Variants in TNRC6B observed in about 807,000 individuals in gnomAD.
TNRC6B encodes the protein trinucleotide repeat-containing gene 6B protein.
In TNRC6B, 52 loss-of-function variants were observed where a neutral mutation model predicts 203.6. The ratio of observed to expected loss-of-function variants is 0.26; its 90% confidence interval spans 0.20 to 0.32. The LOEUF (loss-of-function observed/expected upper bound fraction) is 0.32. TNRC6B is among the 10% of genes least tolerant of loss of function. The pLI is 1.00. For missense variants in TNRC6B, 1,923 were observed against 2,286.2 expected (o/e 0.84, Z 3.24); for synonymous variants, 838 against 845.7 (o/e 0.99, Z 0.16).
chr22:40,293,923 G>A (rs2070902617), intron 12 of TNRC6B, among the ~76,000 whole-genome samples: 1 of 150,324 alleles, frequency 6.7e-6, no homozygotes, highest in African/African-American at 2.5e-5. Context: ...ATCTCTTTAT[G>A]ACCAAAGTGT....
chr22:40,274,422 CTTT>C (rs374621260), intron 7 of TNRC6B, among the ~76,000 whole-genome samples: 6 of 140,656 alleles, frequency 4.3e-5, no homozygotes, highest in Non-Finnish European at 1.6e-5. Flanking sequence ...AATGATATCT[CTTT>C]TTTTTTTTTT....
intron 1 of TNRC6B, among the ~76,000 whole-genome samples, chr22:40,077,840 G>T (rs927699977): frequency 1.3e-5 from 2 of 152,136 alleles, no homozygotes; most frequent in African/African-American, 4.8e-5. Flanking sequence ...ATTGAGATCA[G>T]CTCTGCTCAC....
intron 1 of TNRC6B, among the ~76,000 whole-genome samples, chr22:40,098,543 T>G (rs2068205519): frequency 6.6e-6 from 1 of 152,186 alleles, no homozygotes; most frequent in Non-Finnish European, 1.5e-5. Context: ...ATTATCAGAC[T>G]TTTTAATCAA....
chr22:40,228,149 C>T (rs1222246101), intron 1 of TNRC6B, among the ~76,000 whole-genome samples: 2 of 152,058 alleles, frequency 1.3e-5, no homozygotes, highest in Non-Finnish European at 2.9e-5. Context: ...GTATGTGAGC[C>T]AGGAGTGGTG....
chr22:40,080,962 T>C (rs992776059), intron 1 of TNRC6B, among the ~76,000 whole-genome samples: 4 of 152,084 alleles, frequency 2.6e-5, no homozygotes, highest in Non-Finnish European at 4.4e-5. Flanking sequence ...GTTCAAGCGT[T>C]TCTCCTGCCT....
rs985939681 is a variant in TNRC6B, at chr22:40,330,347, G to C, written c.*7106G>C. ...CGGAATCTGGCGTTCCTTCCCCTTC[G>C]GCTACTGAAAGGTGTGTACAACTCC... On this transcript the variant is annotated 3_prime_UTR_variant, in exon 23 of 23. Coordinates refer to ENST00000454349, the MANE Select transcript of TNRC6B (RefSeq NM_001162501.2). The C allele has an allele frequency of 1.3e-5, 2 of 152,096 alleles. No individual in the cohort carries two copies. Among genetic ancestry groups the C allele is most frequent in the Non-Finnish European group, 2.9e-5 (2 of 68,026 alleles). 9.4% of individuals were successfully genotyped at this position (152,096 alleles called of 1,614,324 possible). A position where few individuals can be genotyped will look rare whatever the true frequency, so the allele number is the denominator to read the frequency against.
intron 1 of TNRC6B, among the ~76,000 whole-genome samples, chr22:40,197,653 A>G (rs2069359094): frequency 6.9e-6 from 1 of 144,026 alleles, no homozygotes; most frequent in Non-Finnish European, 1.5e-5. Context: ...CCCAGGTTGG[A>G]GTGCAGTGGT....
intron 1 of TNRC6B, among the ~76,000 whole-genome samples, chr22:40,056,546 C>A (rs540733222): frequency 6.6e-6 from 1 of 152,216 alleles, no homozygotes; most frequent in East Asian, 1.9e-4. Flanking sequence ...GTAATCCCAG[C>A]ACTTTGGGAA....
chr22:40,089,710 C>CT (rs954430032), intron 1 of TNRC6B, among the ~76,000 whole-genome samples: 1 of 152,080 alleles, frequency 6.6e-6, no homozygotes, highest in African/African-American at 2.4e-5. Context: ...CATTATTACT[C>CT]AAAGTTCATT....
upstream of TNRC6B, among the ~76,000 whole-genome samples, chr22:40,177,756 G>A (rs28453337): frequency 2.1e-4 from 32 of 152,334 alleles, no homozygotes; most frequent in East Asian, 6.0e-3. Flanking sequence ...AGTGTCTGTA[G>A]GCGGAGAGTA....
chr22:40,060,090 A>G (rs2067836406), intron 1 of TNRC6B, among the ~76,000 whole-genome samples: 1 of 150,636 alleles, frequency 6.6e-6, no homozygotes, highest in South Asian at 2.1e-4. Flanking sequence ...CGACCTCCCA[A>G]AAGTGCTGGG....
chr22:40,079,647 C>T lies in TNRC6B; in HGVS notation c.-121+34649C>T, dbSNP rs553946590. Among the ~76,000 whole-genome samples, 11 of 151,868 alleles carry T rather than the reference C, an allele frequency of 7.2e-5. No individual in the cohort carries two copies. In the South Asian group the frequency reaches 2.3e-3, roughly 31 times the overall value. Reference sequence around the variant, plus strand: ...TGGGTTATTTTTTTTGAGACAGGGTCTTGCTCTGTCATCCAGGCTAGAGTA... The same window carrying T: ...TGGGTTATTTTTTTTGAGACAGGGTTTTGCTCTGTCATCCAGGCTAGAGTA... On this transcript the variant is annotated intron_variant, in intron 1 of 23. Transcript: ENST00000301923.
intron 1 of TNRC6B, among the ~76,000 whole-genome samples, chr22:40,213,945 C>A (rs536408665): frequency 6.6e-6 from 1 of 151,906 alleles, no homozygotes; most frequent in South Asian, 2.1e-4. Flanking sequence ...AGACAGGTAC[C>A]GAGGAGAAAG....
chr22:40,207,108 T>C (rs2069488833), intron 1 of TNRC6B, among the ~76,000 whole-genome samples: 1 of 152,104 alleles, frequency 6.6e-6, no homozygotes, highest in Non-Finnish European at 1.5e-5. Flanking sequence ...TGTCTTCACA[T>C]GAATGTCTTT....
At chr22:40,293,214 GAGGC>G (rs2070893120) in intron 12 of TNRC6B, among the ~76,000 whole-genome samples, 1 of 8,024 alleles carries the variant, frequency 1.2e-4, no homozygotes, top group African/African-American at 3.3e-4. Flanking sequence ...TTTTTTTTTT[GAGGC>G]AGAGTCTCCC....
At chr22:40,246,185 C>A in intron 2 of TNRC6B, 83 bp downstream of exon 2, 1 of 1,108,480 alleles carries the variant, frequency 9.0e-7, no homozygotes, top group Non-Finnish European at 1.3e-6. Context: ...CTTGAATATC[C>A]GATATCTTTT....
rs1214464826 is a variant in TNRC6B, at chr22:40,326,920, A to G, written c.*3679A>G. The G allele has an allele frequency of 6.6e-6, 1 of 152,650 alleles. No homozygotes were observed. Among genetic ancestry groups the G allele is most frequent in the Non-Finnish European group, 1.5e-5 (1 of 68,034 alleles). The allele number at this position is 152,650 out of a possible 1,614,324, so 9.5% of individuals were successfully genotyped here. On this transcript the variant is annotated 3_prime_UTR_variant, in exon 23 of 23. Coordinates refer to ENST00000454349, the MANE Select transcript of TNRC6B (RefSeq NM_001162501.2). ...GATTTTACTTTTTTAGCTCCCAGCT[A>G]CTGTTGTGCTCGTTTTAATTGCTGT...
intron 2 of TNRC6B, among the ~76,000 whole-genome samples, chr22:40,248,838 G>A (rs959971469): frequency 5.3e-5 from 8 of 152,210 alleles, no homozygotes; most frequent in African/African-American, 1.7e-4. Flanking sequence ...CTAGGCTGAC[G>A]CAGGCTGATG....
intron 12 of TNRC6B, 97 bp downstream of exon 12, chr22:40,285,867 T>A: frequency 4.2e-6 from 6 of 1,441,428 alleles, no homozygotes; most frequent in Non-Finnish European, 5.6e-6. Context: ...AGAATGATAG[T>A]AAGTAGCATA....
Sources: gnomAD v4.1 joint callset for allele counts (sites outside exome capture counted in the v4.1 genomes callset) on GRCh38, gnomAD v4.1.1 for gene constraint, MANE v1.5 for transcripts, NCBI Gene and HGNC (gene_info 2026-07-23, HGNC 2026-07-21) for gene names.